The following L3MBTL4 variants were observed in gnomAD, a reference collection of about 807,000 sequenced individuals.
L3MBTL4 encodes L3MBTL histone methyl-lysine binding protein 4, also known as lethal(3)malignant brain tumor-like protein 4.
In L3MBTL4, 70 loss-of-function variants were observed where a neutral mutation model predicts 84.5. The observed-to-expected ratio is 0.83, with a 90% CI of 0.68 to 1.01. The LOEUF (loss-of-function observed/expected upper bound fraction) is 1.01. L3MBTL4 is among the 50% of genes least tolerant of loss of function. L3MBTL4 has a pLI of 0.00. For synonymous variants in L3MBTL4, 274 were observed against 259.8 expected (o/e 1.05, Z -0.52); for missense variants, 715 against 754.8 (o/e 0.95, Z 0.62).
chr18:6,190,567 A>G (rs953894013), intron 12 of L3MBTL4, among the ~76,000 whole-genome samples: 2 of 152,256 alleles, frequency 1.3e-5, no homozygotes, highest in Non-Finnish European at 2.9e-5. Context: ...CATTTAAGCC[A>G]CAAATATTAA....
At position 6,324,469 on chromosome 18, in the gene L3MBTL4, G is replaced by A. The variant is rs117470945; in HGVS notation, c.-90-12413C>T. Among the ~76,000 whole-genome samples the A allele has an allele frequency of 7.0e-3, 1,074 of 152,344 alleles. 9 individuals carry two copies. The highest frequency in any genetic ancestry group is 0.017 in the Middle Eastern group (5 of 294). ...GGGGCTGAACCTTGCAAAGTCATAG[G>A]AGCTGAGGCTCCTGAGTCCTTGTTG... On this transcript the variant is annotated intron_variant, in intron 1 of 18. Transcript: ENST00000317931.
intron 5 of L3MBTL4, among the ~76,000 whole-genome samples, chr18:6,257,890 C>T (rs1599369833): frequency 6.6e-6 from 1 of 152,140 alleles, no homozygotes; most frequent in African/African-American, 2.4e-5. Context: ...AGGTGATCCA[C>T]CCACCTCGGC....
chr18:6,031,367 T>G (rs1478341860), intron 16 of L3MBTL4: 1 of 985,350 alleles, frequency 1.0e-6, no homozygotes, highest in Non-Finnish European at 1.2e-6. Context: ...TTATTGTAGA[T>G]AGCAAGAGAA....
intron 4 of L3MBTL4, among the ~76,000 whole-genome samples, chr18:6,290,590 C>A (rs1042630735): frequency 1.0e-3 from 152 of 151,760 alleles, no homozygotes; most frequent in Non-Finnish European, 2.1e-3. Flanking sequence ...AGCAGTGGTG[C>A]CATCTCAGCT....
chr18:6,095,671 A>G (rs543235132), intron 14 of L3MBTL4, among the ~76,000 whole-genome samples: 1 of 152,290 alleles, frequency 6.6e-6, no homozygotes, highest in African/African-American at 2.4e-5. Flanking sequence ...TTTTAACACC[A>G]TCAAAAAAAG....
intron 4 of L3MBTL4, among the ~76,000 whole-genome samples, chr18:6,291,445 A>T (rs755631187): frequency 1.4e-3 from 219 of 152,284 alleles, no homozygotes; most frequent in Admixed American, 2.2e-3. Flanking sequence ...TGACTTCAAA[A>T]TTTACTATAA....
At chr18:6,361,226 G>A (rs1185551390) in intron 1 of L3MBTL4, among the ~76,000 whole-genome samples, 4 of 152,014 alleles carry the variant, frequency 2.6e-5, no homozygotes, top group South Asian at 2.1e-4. Flanking sequence ...TCAGGACCAC[G>A]GTAGCTCAAA....
In L3MBTL4 at chr18:6,031,568, C is replaced by T. The variant is rs2055802155; in HGVS notation, c.1444+49313G>A. ...GTGGGCCGGTCAGTTCTGATTTCAG[C>T]AGGGCTCATTCACATGTTTGTTGGA... is the stretch of plus-strand genomic sequence containing the variant. On this transcript the variant is annotated intron_variant, in intron 16 of 18. Coordinates refer to ENST00000317931, the MANE Select transcript of L3MBTL4 (RefSeq NM_001330559.2). 6 of 948,632 alleles carry T rather than the reference C, an allele frequency of 6.3e-6. No individual in the cohort carries two copies. The African/African-American group carries it at 7.1e-5, about 11-fold the overall frequency. The allele number at this position is 948,632 out of a possible 1,614,324, so 58.8% of individuals were successfully genotyped here.
intron 1 of L3MBTL4, among the ~76,000 whole-genome samples, chr18:6,329,278 C>A (rs1010035112): frequency 2.0e-5 from 3 of 151,402 alleles, no homozygotes; most frequent in South Asian, 2.1e-4. Flanking sequence ...CTCAGCCTCC[C>A]GAGTAGCTGG....
intron 1 of L3MBTL4, among the ~76,000 whole-genome samples, chr18:6,345,215 CAAAAAAAAAAAAA>C (rs35502624): frequency 5.2e-5 from 2 of 38,494 alleles, no homozygotes; most frequent in African/African-American, 9.9e-5. Flanking sequence ...TACTAAAATA[CAAAAAAAAAAAAA>C]AAAAAAAAGA....
At chr18:6,308,135 A>G (rs894094883) in intron 3 of L3MBTL4, among the ~76,000 whole-genome samples, 3 of 152,230 alleles carry the variant, frequency 2.0e-5, no homozygotes, top group African/African-American at 7.2e-5. Context: ...ACCAAAAATG[A>G]CACTTATCTT....
chr18:6,110,928 A>C (rs2059176476), intron 14 of L3MBTL4, among the ~76,000 whole-genome samples: 2 of 151,970 alleles, frequency 1.3e-5, no homozygotes, highest in South Asian at 4.2e-4. Flanking sequence ...CTGGTCTCAG[A>C]CCTGTGTATA....
intron 1 of L3MBTL4, among the ~76,000 whole-genome samples, chr18:6,382,507 G>A (rs1376397556): frequency 6.6e-6 from 1 of 152,080 alleles, no homozygotes; most frequent in Non-Finnish European, 1.5e-5. Context: ...CCTTCAGATG[G>A]GGTCTCTGAG....
intron 12 of L3MBTL4, among the ~76,000 whole-genome samples, chr18:6,208,831 A>G (rs2045979426): frequency 6.6e-6 from 1 of 152,246 alleles, no homozygotes; most frequent in African/African-American, 2.4e-5. Flanking sequence ...AACCATCATA[A>G]TTAATAAACC....
In L3MBTL4 at chr18:5,956,312, C is replaced by T; in HGVS notation, c.1753G>A (p.Ala585Thr). The change falls in exon 19 of 19, where the codon GCA becomes ACA. Residue 585 changes from alanine to threonine, a missense_variant. Ala to Thr is a moderately conservative substitution (Grantham distance 58, BLOSUM62 0). Transcript: ENST00000317931. ...AGGATAGAGTTGTAAATCTTCAGTG[C>T]TGGGCCCAGTTTGATCTTCATCACT... is the stretch of plus-strand genomic sequence containing the variant. ...VKVMKIKLGPALKIYNSILMF... is the reference protein window; with the variant it reads ...VKVMKIKLGPTLKIYNSILMF... The T allele has an allele frequency of 1.2e-6, 2 of 1,614,140 alleles. No individual in the cohort carries two copies. The highest frequency in any genetic ancestry group is 1.1e-5 in the South Asian group (1 of 91,076).
intron 17 of L3MBTL4, among the ~76,000 whole-genome samples, chr18:5,964,312 C>T (rs1409779785): frequency 1.3e-5 from 2 of 152,224 alleles, no homozygotes; most frequent in African/African-American, 4.8e-5. Flanking sequence ...CCACGACCTA[C>T]TTTCCCTGGC....
intron 13 of L3MBTL4, among the ~76,000 whole-genome samples, chr18:6,151,084 C>A (rs1314604161): frequency 6.6e-6 from 1 of 152,158 alleles, no homozygotes; most frequent in African/African-American, 2.4e-5. Context: ...GATCCCCTTA[C>A]TGGCATACAA....
intron 1 of L3MBTL4, among the ~76,000 whole-genome samples, chr18:6,413,679 AT>A (rs2056064903): frequency 6.6e-6 from 1 of 152,184 alleles, no homozygotes; most frequent in African/African-American, 2.4e-5. Context: ...GATCCAGGAG[AT>A]GGGCCACCAG....
intron 4 of L3MBTL4, among the ~76,000 whole-genome samples, chr18:6,288,145 G>A (rs992636945): frequency 6.6e-6 from 1 of 152,146 alleles, no homozygotes; most frequent in Non-Finnish European, 1.5e-5. Flanking sequence ...GAGTGTACAT[G>A]TTTTATAATC....
Sources: gnomAD v4.1 joint callset for allele counts (sites outside exome capture counted in the v4.1 genomes callset) on GRCh38, gnomAD v4.1.1 for gene constraint, MANE v1.5 for transcripts, NCBI Gene and HGNC (gene_info 2026-07-23, HGNC 2026-07-21) for gene names.